CREB5: variants seen among roughly 807,000 people sequenced by gnomAD.
CREB5 encodes cyclic AMP-responsive element-binding protein 5.
In CREB5, 19 loss-of-function variants were observed where a neutral mutation model predicts 57.1. That is an observed-to-expected ratio of 0.33 (90% CI 0.23 to 0.49). The LOEUF is 0.49. CREB5 is among the 20% of genes least tolerant of loss of function. The pLI is 0.99. For missense variants in CREB5, 579 were observed against 671.6 expected, an observed-to-expected ratio of 0.86 and a Z score of 1.52; for synonymous variants, 238 against 238.3, an observed-to-expected ratio of 1.00 and a Z score of 0.01.
chr7:28,394,330 C>T (rs556717303), intron 1 of CREB5, among the ~76,000 whole-genome samples: 2 of 151,924 alleles, frequency 1.3e-5, no homozygotes, highest in South Asian at 4.2e-4. Context: ...AGATATTAAT[C>T]CAACTACATC....
At chr7:28,474,874 C>T (rs984722983) in intron 1 of CREB5, among the ~76,000 whole-genome samples, 6 of 152,144 alleles carry the variant, frequency 3.9e-5, no homozygotes, top group Non-Finnish European at 7.3e-5. Flanking sequence ...TCTGTCTAAT[C>T]AAGGCTTTCT....
chr7:28,333,560 C>G (rs375169358), intron 1 of CREB5, among the ~76,000 whole-genome samples: 3 of 152,172 alleles, frequency 2.0e-5, no homozygotes, highest in South Asian at 4.2e-4. Context: ...CCTTTCCTAG[C>G]CTCTGGTAAC....
chr7:28,811,089 ACTAT>A (rs899598437), intron 9 of CREB5, among the ~76,000 whole-genome samples: 1 of 152,220 alleles, frequency 6.6e-6, no homozygotes, highest in Non-Finnish European at 1.5e-5. Context: ...CCCTCCGCCC[ACTAT>A]CTATCTATCT....
intron 4 of CREB5, among the ~76,000 whole-genome samples, chr7:28,560,370 T>C (rs1228335592): frequency 6.6e-6 from 1 of 152,096 alleles, no homozygotes; most frequent in Non-Finnish European, 1.5e-5. Context: ...GCTGGAAATA[T>C]AGGGTCTTGA....
chr7:28,426,695 T>C (rs770766339), intron 1 of CREB5, among the ~76,000 whole-genome samples: 3 of 152,246 alleles, frequency 2.0e-5, no homozygotes, highest in Non-Finnish European at 4.4e-5. Flanking sequence ...GCAAAATTAA[T>C]TAATTCCTTA....
intron 5 of CREB5, among the ~76,000 whole-genome samples, chr7:28,680,799 T>C (rs1200023423): frequency 6.6e-6 from 1 of 151,838 alleles, no homozygotes; most frequent in African/African-American, 2.4e-5. Flanking sequence ...GGACCTCCTG[T>C]TCCCCCACCA....
chr7:28,644,039 C>T (rs958132383), intron 5 of CREB5, among the ~76,000 whole-genome samples: 2 of 151,230 alleles, frequency 1.3e-5, no homozygotes, highest in Non-Finnish European at 2.9e-5. Flanking sequence ...GATCCCCTCA[C>T]TGTACTCCAG....
At chr7:28,399,418 T>TAAAAAAAAAAAAAAAA (rs34901571) in intron 1 of CREB5, among the ~76,000 whole-genome samples, 1 of 128,156 alleles carries the variant, frequency 7.8e-6, no homozygotes, top group Non-Finnish European at 1.7e-5. Flanking sequence ...ATCATTCTGG[T>TAAAAAAAAAAAAAAAA]AAAAAAAAAA....
chr7:28,773,809 A>C (rs1280780707), intron 7 of CREB5, among the ~76,000 whole-genome samples: 1 of 152,228 alleles, frequency 6.6e-6, no homozygotes, highest in Non-Finnish European at 1.5e-5. Flanking sequence ...GGACTTAGGG[A>C]ACACTTAAAT....
chr7:28,537,380 T>G (rs539082921), intron 4 of CREB5, among the ~76,000 whole-genome samples: 942 of 26,044 alleles, frequency 0.036, 3 homozygotes, highest in Non-Finnish European at 0.057. Flanking sequence ...ACTTAAAGCC[T>G]TTTTTTTTTA....
chr7:28,456,446 C>T (rs377646925), intron 1 of CREB5, among the ~76,000 whole-genome samples: 22 of 152,066 alleles, frequency 1.4e-4, no homozygotes, highest in Admixed American at 3.3e-4. Context: ...TGTGCTGTTT[C>T]GGATGCTCTC....
intron 5 of CREB5, among the ~76,000 whole-genome samples, chr7:28,708,542 G>A (rs10269197): frequency 0.011 from 1,744 of 152,298 alleles, 45 homozygotes; most frequent in African/African-American, 0.039. Context: ...GCAGTGAATC[G>A]AAGAGCCTTG....
intron 5 of CREB5, among the ~76,000 whole-genome samples, chr7:28,650,329 A>G (rs1215755173): frequency 6.6e-6 from 1 of 152,120 alleles, no homozygotes; most frequent in East Asian, 1.9e-4. Flanking sequence ...GTAGCCATGG[A>G]GTGGGACTGT....
At chr7:28,814,380 C>T (rs1809299047) in intron 9 of CREB5, among the ~76,000 whole-genome samples, 1 of 152,036 alleles carries the variant, frequency 6.6e-6, no homozygotes, top group African/African-American at 2.4e-5. Flanking sequence ...ATGAAGGCTC[C>T]GTAGATGCTC....
At chr7:28,651,009 C>G (rs940625090) in intron 5 of CREB5, among the ~76,000 whole-genome samples, 34 of 152,016 alleles carry the variant, frequency 2.2e-4, no homozygotes, top group African/African-American at 8.2e-4. Flanking sequence ...TGGCAGCAAT[C>G]CAACATTGGC....
chr7:28,333,287 A>G (rs188613835), intron 1 of CREB5, among the ~76,000 whole-genome samples: 18 of 152,274 alleles, frequency 1.2e-4, no homozygotes, highest in Admixed American at 3.3e-4. Flanking sequence ...GTAGCTGTAT[A>G]TATTTATGGG....
At chr7:28,560,867 T>TGCGCGCGCGTGCGTGCGCGTGCGCGCGC (rs1294033526) in intron 4 of CREB5, among the ~76,000 whole-genome samples, 1 of 22,046 alleles carries the variant, frequency 4.5e-5, no homozygotes, top group Non-Finnish European at 8.1e-5. Flanking sequence ...TGCGTGTGCC[T>TGCGCGCGCGTGCGTGCGCGTGCGCGCGC]GCGTGCGCGT....
At chr7:28,358,831 G>C (rs928270677) in intron 1 of CREB5, among the ~76,000 whole-genome samples, 1 of 152,200 alleles carries the variant, frequency 6.6e-6, no homozygotes, top group Non-Finnish European at 1.5e-5. Context: ...GCCATCCTGA[G>C]ATGAAGCCTG....
intron 7 of CREB5, among the ~76,000 whole-genome samples, chr7:28,770,855 C>T (rs2128776093): frequency 6.6e-6 from 1 of 152,266 alleles, no homozygotes; most frequent in South Asian, 2.1e-4. Flanking sequence ...ATTCAGATCC[C>T]ATATGCAGCA....
Sources: gnomAD v4.1 joint callset for allele counts (sites outside exome capture counted in the v4.1 genomes callset) on GRCh38, gnomAD v4.1.1 for gene constraint, MANE v1.5 for transcripts, NCBI Gene and HGNC (gene_info 2026-07-23, HGNC 2026-07-21) for gene names.